Variants in ABTB2 observed in about 807,000 individuals in gnomAD.
ABTB2 encodes the protein ankyrin repeat and BTB domain containing 2.
In ABTB2, 56 loss-of-function variants were observed where a neutral mutation model predicts 104.1. The ratio of observed to expected loss-of-function variants is 0.54; its 90% CI spans 0.43 to 0.67. The LOEUF (loss-of-function observed/expected upper bound fraction) is 0.67. Ranked by LOEUF, ABTB2 falls within the 30% of genes least tolerant of loss-of-function variation. The probability of loss-of-function intolerance (pLI) is 0.00; values close to 1 mark genes in which losing one functional copy is unlikely to be tolerated. For missense variants in ABTB2, 1,279 were observed against 1,407.7 expected (o/e 0.91, Z 1.46); for synonymous variants, 606 against 608.2 (o/e 1.00, Z 0.05).
chr11:34,160,122 A>G (rs1852688022), intron 12 of ABTB2, 114 bp from the exon 13 acceptor site: 1 of 1,247,028 alleles, frequency 8.0e-7, no homozygotes, highest in Non-Finnish European at 1.2e-6. Context: ...GAGGTGAGGA[A>G]CAGAGAAACT....
At chr11:34,327,470 T>C (rs1034515589) in intron 1 of ABTB2, among the ~76,000 whole-genome samples, 9 of 152,154 alleles carry the variant, frequency 5.9e-5, no homozygotes, top group Non-Finnish European at 1.2e-4. Flanking sequence ...GGCCTGGCTC[T>C]CACTCTCAGG....
chr11:34,261,045 C>G (rs1854182343), intron 1 of ABTB2, among the ~76,000 whole-genome samples: 4 of 152,102 alleles, frequency 2.6e-5, no homozygotes, highest in Admixed American at 2.6e-4. Context: ...ATCGCTTGAA[C>G]TTGGGAGGCA....
intron 14 of ABTB2, among the ~76,000 whole-genome samples, chr11:34,155,563 C>G (rs1158660966): frequency 2.0e-5 from 3 of 152,254 alleles, no homozygotes; most frequent in African/African-American, 7.2e-5. Flanking sequence ...CAGCAAGGAG[C>G]TGGCAAGTGT....
intron 1 of ABTB2, among the ~76,000 whole-genome samples, chr11:34,355,930 C>T (rs1007682591): frequency 6.6e-6 from 1 of 152,230 alleles, no homozygotes; most frequent in Non-Finnish European, 1.5e-5. Flanking sequence ...TATCTCTTCC[C>T]CTTGATGGGC....
chr11:34,353,220 C>A (rs1171781603), intron 1 of ABTB2, among the ~76,000 whole-genome samples: 2 of 152,170 alleles, frequency 1.3e-5, no homozygotes, highest in Non-Finnish European at 2.9e-5. Context: ...TCACCAATAT[C>A]CTATCACTTA....
chr11:34,239,450 C>A (rs1450808973), intron 1 of ABTB2, among the ~76,000 whole-genome samples: 2 of 152,048 alleles, frequency 1.3e-5, no homozygotes, highest in Non-Finnish European at 2.9e-5. Context: ...CCTACCTCAG[C>A]CTCCTGAGTA....
In ABTB2 at chr11:34,330,089, C is replaced by T. The variant is rs188775872; in HGVS notation, c.883+26612G>A. Among the ~76,000 whole-genome samples the T allele has an allele frequency of 2.0e-3, 310 of 152,264 alleles. 2 individuals carry two copies. Among genetic ancestry groups the T allele is most frequent in the African/African-American group, 7.0e-3 (291 of 41,536 alleles). On this transcript the variant is annotated intron_variant, in intron 1 of 16. Transcript: ENST00000435224. The stretch of plus-strand genomic sequence containing the variant: ...GCTTAGATAAACAGGTCTTGGGTAA[C>T]GACAAAGCACTGATCTCAGGACTCC...
At chr11:34,354,994 G>A (rs754895798) in intron 1 of ABTB2, among the ~76,000 whole-genome samples, 1 of 152,210 alleles carries the variant, frequency 6.6e-6, no homozygotes, top group Admixed American at 6.5e-5. Context: ...CCTGGAGGGT[G>A]AGGCACAACA....
chr11:34,290,443 T>C (rs1033637633), intron 1 of ABTB2, among the ~76,000 whole-genome samples: 6 of 152,196 alleles, frequency 3.9e-5, no homozygotes, highest in African/African-American at 1.4e-4. Context: ...TTCTTCTCTG[T>C]AATAGGTGAT....
chr11:34,206,701 TGAGGAAATGCACACA>T (rs1362807840), intron 1 of ABTB2, among the ~76,000 whole-genome samples: 1 of 152,190 alleles, frequency 6.6e-6, no homozygotes, highest in East Asian at 1.9e-4. Flanking sequence ...TTTTCTTTGT[TGAGGAAATGCACACA>T]GAGGTCTTCC....
intron 1 of ABTB2, among the ~76,000 whole-genome samples, chr11:34,283,139 C>T (rs921265595): frequency 5.4e-5 from 8 of 148,214 alleles, no homozygotes; most frequent in Admixed American, 1.4e-4. Context: ...AGGACATTCT[C>T]GATCTCCTGA....
At chr11:34,256,453 C>T (rs1357056490) in intron 1 of ABTB2, among the ~76,000 whole-genome samples, 1 of 152,212 alleles carries the variant, frequency 6.6e-6, no homozygotes, top group African/African-American at 2.4e-5. Context: ...TAATTTTCTG[C>T]ACCTCCACTG....
chr11:34,279,321 T>C (rs2133085692), intron 1 of ABTB2, among the ~76,000 whole-genome samples: 1 of 152,356 alleles, frequency 6.6e-6, no homozygotes, highest in Non-Finnish European at 1.5e-5. Flanking sequence ...AGGCTGGTCT[T>C]GAACCCCTGG....
rs1853278387 is a variant in ABTB2, at chr11:34,197,598, T to C, written c.1031-60A>G. The C allele has an allele frequency of 8.4e-6, 10 of 1,196,120 alleles. No individual in the cohort carries two copies. The South Asian group carries it at 1.5e-4, about 17-fold the overall frequency. The allele number at this position is 1,196,120 out of a possible 1,614,324, so 74.1% of individuals were successfully genotyped here. A position where few individuals can be genotyped will look rare whatever the true frequency, so the allele number is the denominator to read the frequency against. On this transcript the variant is annotated intron_variant, in intron 2 of 16. Transcript: ENST00000435224. ...AGAAAAAAAGAAGACAAAGTCTGAG[T>C]TCACAGCCTGCATTCTTCCAAGGAT...
intron 1 of ABTB2, among the ~76,000 whole-genome samples, chr11:34,273,741 A>G (rs1854347817): frequency 6.6e-6 from 1 of 152,160 alleles, no homozygotes. Context: ...TACTGGGGCA[A>G]CGATCTAGAA....
chr11:34,305,534 A>C (rs553865517), intron 1 of ABTB2, among the ~76,000 whole-genome samples: 18 of 152,300 alleles, frequency 1.2e-4, no homozygotes, highest in African/African-American at 4.3e-4. Context: ...ACGTTGTATA[A>C]ACATTCCACT....
chr11:34,214,605 T>C (rs547979114), intron 1 of ABTB2, among the ~76,000 whole-genome samples: 1 of 146,618 alleles, frequency 6.8e-6, no homozygotes, highest in African/African-American at 2.5e-5. Context: ...AGTGGTGCAA[T>C]CTCAGCTCAC....
intron 3 of ABTB2, among the ~76,000 whole-genome samples, chr11:34,174,645 G>A (rs932148380): frequency 2.6e-5 from 4 of 152,258 alleles, no homozygotes; most frequent in African/African-American, 9.6e-5. Flanking sequence ...GCAAGGCTCC[G>A]TGTTGGAGCC....
chr11:34,205,602 C>CGT (rs34701030), intron 1 of ABTB2, among the ~76,000 whole-genome samples: 65 of 150,600 alleles, frequency 4.3e-4, no homozygotes, highest in East Asian at 9.7e-4. Flanking sequence ...CACCCACAAA[C>CGT]TTTTTTTTTT....
Sources: allele counts gnomAD v4.1 joint callset (sites outside exome capture counted in the v4.1 genomes callset), GRCh38; gene constraint gnomAD v4.1.1; transcripts MANE v1.5; gene names NCBI Gene and HGNC (gene_info 2026-07-23, HGNC 2026-07-21).